The following CNBD1 variants were observed in gnomAD, a reference collection of about 807,000 sequenced individuals.
CNBD1 encodes the protein cyclic nucleotide binding domain containing 1, also known as cyclic nucleotide-binding domain-containing protein 1.
Under a neutral mutation model 54.4 loss-of-function variants are expected in CNBD1, and 71 were observed. The observed-to-expected ratio is 1.30, with a 90% CI of 1.08 to 1.59. The LOEUF is 1.59. Among genes scored for constraint, CNBD1 ranks in the 40% most tolerant of loss-of-function variants. CNBD1 has a pLI of 0.00. For synonymous variants in CNBD1, 182 were observed against 170.7 expected, an observed-to-expected ratio of 1.07 and a Z score of -0.51; for missense variants, 659 against 518.0, an observed-to-expected ratio of 1.27 and a Z score of -2.64.
intron 4 of CNBD1, among the ~76,000 whole-genome samples, chr8:86,978,777 A>G (rs1444995130): frequency 3.3e-5 from 5 of 151,808 alleles, no homozygotes; most frequent in Admixed American, 3.3e-4. Context: ...CAGGCGATCC[A>G]CCTGCCTCAG....
intron 3 of CNBD1, among the ~76,000 whole-genome samples, chr8:86,937,407 C>T (rs1293778317): frequency 6.6e-6 from 1 of 152,134 alleles, no homozygotes; most frequent in Non-Finnish European, 1.5e-5. Flanking sequence ...CTCATGTCCT[C>T]CCATTTCAAA....
intron 4 of CNBD1, among the ~76,000 whole-genome samples, chr8:87,158,924 C>A (rs1156642866): frequency 6.6e-6 from 1 of 152,088 alleles, no homozygotes; most frequent in Admixed American, 6.6e-5. Context: ...ATTTTCCAAG[C>A]AATTTAATGG....
rs145157575 is a variant in CNBD1, at chr8:87,100,083, A to G, written c.432-105910A>G. The stretch of plus-strand genomic sequence containing the variant: ...ATTTTCTTGGAAGGCAAGTGTGAAC[A>G]GTGATCTTAAGAGGAATGAATGTCA... On this transcript the variant is annotated intron_variant, in intron 4 of 10. Coordinates refer to ENST00000518476, the MANE Select transcript of CNBD1 (RefSeq NM_173538.3). Among the ~76,000 whole-genome samples the G allele has an allele frequency of 5.0e-3, 761 of 152,278 alleles. 6 individuals carry two copies. The highest frequency in any genetic ancestry group is 0.017 in the African/African-American group (710 of 41,560).
At chr8:87,404,999 G>T (rs564257325) in intron 2 of CNBD1, among the ~76,000 whole-genome samples, 1 of 152,026 alleles carries the variant, frequency 6.6e-6, no homozygotes, top group African/African-American at 2.4e-5. Flanking sequence ...CTGGGAAGCA[G>T]CAAGAAAGAT....
intron 6 of CNBD1, among the ~76,000 whole-genome samples, chr8:87,279,720 T>C (rs1808557457): frequency 6.6e-6 from 1 of 151,086 alleles, no homozygotes; most frequent in African/African-American, 2.4e-5. Context: ...GATTATATAT[T>C]TTTATATATA....
intron 2 of CNBD1, among the ~76,000 whole-genome samples, chr8:87,415,513 T>C (rs1231689945): frequency 6.6e-6 from 1 of 152,072 alleles, no homozygotes; most frequent in African/African-American, 2.4e-5. Context: ...TTGTAATTCT[T>C]TGAGCCTCAT....
At chr8:87,327,263 C>G (rs1389388021) in intron 8 of CNBD1, among the ~76,000 whole-genome samples, 2 of 146,782 alleles carry the variant, frequency 1.4e-5, no homozygotes, top group Non-Finnish European at 3.0e-5. Context: ...TTTTGTTTGT[C>G]TGTGCCCTGC....
At position 87,280,530 on chromosome 8, in the gene CNBD1, C is replaced by T. The variant is rs1230450460; in HGVS notation, c.772-4148C>T. On this transcript the variant is annotated intron_variant, in intron 6 of 10. Coordinates refer to ENST00000518476, the MANE Select transcript of CNBD1 (RefSeq NM_173538.3). Reference sequence around the variant, plus strand: ...CTTAGAAAAGAAAAAACATGTTGTGCAAAGTTTAGAGCAAGCTACTATTTA... The same window carrying T: ...CTTAGAAAAGAAAAAACATGTTGTGTAAAGTTTAGAGCAAGCTACTATTTA... Among the ~76,000 whole-genome samples, 4 of 151,314 alleles carry T rather than the reference C, an allele frequency of 2.6e-5. No individual in the cohort carries two copies. The Admixed American group carries it at 2.6e-4, about 10-fold the overall frequency.
chr8:87,422,949 T>G (rs2130994412), intron 2 of CNBD1, among the ~76,000 whole-genome samples: 1 of 152,086 alleles, frequency 6.6e-6, no homozygotes, highest in East Asian at 1.9e-4. Context: ...TTTTATTTCC[T>G]TGAGCAGCGG....
At chr8:87,418,798 CAG>C (rs892592141) in intron 2 of CNBD1, among the ~76,000 whole-genome samples, 4 of 151,718 alleles carry the variant, frequency 2.6e-5, no homozygotes, top group African/African-American at 9.7e-5. Flanking sequence ...AAAATATAGA[CAG>C]TAATAAAAGT....
At chr8:87,220,694 T>C (rs1355749437) in intron 5 of CNBD1, among the ~76,000 whole-genome samples, 1 of 151,978 alleles carries the variant, frequency 6.6e-6, no homozygotes, top group East Asian at 1.9e-4. Flanking sequence ...CATACAGATA[T>C]GTTATACTTG....
Position 87,308,088 on chromosome 8 carries a change from T to C in CNBD1, c.1042+21417T>C, listed in dbSNP as rs539634243. 4.6e-5 allele frequency among the ~76,000 whole-genome samples: 7 copies of C among 152,252 alleles called. No homozygotes were observed. In the South Asian group the frequency reaches 1.5e-3, roughly 32 times the overall value. On this transcript the variant is annotated intron_variant, in intron 8 of 10. Transcript: ENST00000518476. ...TACAGCCAACAAGCGACATTATCTT[T>C]ATAGCCCTGTGAAAAAGTCCCTTTT...
intron 10 of CNBD1, among the ~76,000 whole-genome samples, chr8:87,375,471 A>C (rs1261150335): frequency 6.6e-6 from 1 of 151,846 alleles, no homozygotes; most frequent in Non-Finnish European, 1.5e-5. Flanking sequence ...CTGTAGATAA[A>C]GTTATCAGTG....
At chr8:87,353,053 A>G (rs1420551139) in intron 9 of CNBD1, among the ~76,000 whole-genome samples, 2 of 152,182 alleles carry the variant, frequency 1.3e-5, no homozygotes, top group African/African-American at 4.8e-5. Flanking sequence ...CTCCAGAACC[A>G]TTCATATTGA....
intron 2 of CNBD1, among the ~76,000 whole-genome samples, chr8:87,416,363 G>C (rs766290941): frequency 6.6e-6 from 1 of 152,030 alleles, no homozygotes; most frequent in African/African-American, 2.4e-5. Flanking sequence ...ACCAAGGCTT[G>C]CAGGAATCTG....
At chr8:86,992,582 T>C (rs910692079) in intron 4 of CNBD1, among the ~76,000 whole-genome samples, 1 of 152,130 alleles carries the variant, frequency 6.6e-6, no homozygotes, top group Non-Finnish European at 1.5e-5. Context: ...TGCGCTTAAG[T>C]GTGTCCTTGT....
chr8:86,886,763 A>T (rs1808686174), intron 1 of CNBD1, among the ~76,000 whole-genome samples: 1 of 152,208 alleles, frequency 6.6e-6, no homozygotes, highest in East Asian at 1.9e-4. Flanking sequence ...TTTTCACTAA[A>T]GAAAGGAGTA....
At chr8:86,921,999 T>C (rs1006875261) in intron 3 of CNBD1, among the ~76,000 whole-genome samples, 2 of 151,926 alleles carry the variant, frequency 1.3e-5, no homozygotes, top group African/African-American at 4.8e-5. Flanking sequence ...AGTGCTTACA[T>C]TGAGGGCAGA....
chr8:87,373,974 C>G lies in CNBD1; in HGVS notation c.1304-8646C>G, dbSNP rs1251167953. 2.0e-5 allele frequency among the ~76,000 whole-genome samples: 3 copies of G among 151,706 alleles called. No individual in the cohort carries two copies. The East Asian group carries it at 5.8e-4, about 29-fold the overall frequency. On this transcript the variant is annotated intron_variant, in intron 10 of 10. Transcript: ENST00000518476. ...TGTTAGAAGCTACAACAGTTTTCAT[C>G]TGATGAATTCAGTGTTACAGCTACT...
Sources: allele counts gnomAD v4.1 joint callset (sites outside exome capture counted in the v4.1 genomes callset), GRCh38; gene constraint gnomAD v4.1.1; transcripts MANE v1.5; gene names NCBI Gene and HGNC (gene_info 2026-07-23, HGNC 2026-07-21).